The following NAALADL2 variants were observed in gnomAD, a reference collection of about 807,000 sequenced individuals.
The protein encoded by NAALADL2 is inactive N-acetylated-alpha-linked acidic dipeptidase-like protein 2.
A neutral mutation model predicts 87.2 loss-of-function variants in NAALADL2; 76 were observed. The ratio of observed to expected loss-of-function variants is 0.87; its 90% CI spans 0.72 to 1.05. The LOEUF is 1.05. Ranked by LOEUF, NAALADL2 falls within the 50% of genes least tolerant of loss-of-function variation. The pLI, the probability that NAALADL2 is intolerant of heterozygous loss-of-function variation, is 0.00. For synonymous variants in NAALADL2, 354 were observed against 331.0 expected, an observed-to-expected ratio of 1.07 and a Z score of -0.75; for missense variants, 1,089 against 945.8, an observed-to-expected ratio of 1.15 and a Z score of -1.99.
chr3:175,619,926 A>G (rs958005092), intron 10 of NAALADL2, among the ~76,000 whole-genome samples: 5 of 151,980 alleles, frequency 3.3e-5, no homozygotes, highest in Non-Finnish European at 7.4e-5. Flanking sequence ...ACTGGATTGG[A>G]AAAAAGCCAA....
intron 9 of NAALADL2, among the ~76,000 whole-genome samples, chr3:175,550,004 A>C (rs999746411): frequency 6.6e-6 from 1 of 152,118 alleles, no homozygotes; most frequent in Non-Finnish European, 1.5e-5. Context: ...TCATTTTAAC[A>C]AAGAGTGAAC....
intron 10 of NAALADL2, among the ~76,000 whole-genome samples, chr3:175,590,918 T>C (rs1721354308): frequency 1.3e-5 from 2 of 152,190 alleles, no homozygotes; most frequent in Non-Finnish European, 2.9e-5. Context: ...TGCTTAGGGA[T>C]GAAGGGGGGT....
At chr3:174,507,392 T>A (rs1440474753) in intron 1 of NAALADL2, among the ~76,000 whole-genome samples, 4 of 152,184 alleles carry the variant, frequency 2.6e-5, no homozygotes, top group African/African-American at 9.7e-5. Flanking sequence ...TCCAGTGAAA[T>A]ACCTATGAGT....
chr3:175,729,289 G>A (rs563106282), intron 11 of NAALADL2, among the ~76,000 whole-genome samples: 1 of 152,170 alleles, frequency 6.6e-6, no homozygotes, highest in South Asian at 2.1e-4. Context: ...ACACAATAAA[G>A]GATCAATAGC....
At chr3:175,338,987 A>G (rs994415490) in intron 5 of NAALADL2, among the ~76,000 whole-genome samples, 1 of 152,196 alleles carries the variant, frequency 6.6e-6, no homozygotes, top group Admixed American at 6.5e-5. Context: ...GCAATTAGAA[A>G]CAGGGCAGGA....
At chr3:174,576,601 T>C (rs1380113853) in intron 2 of NAALADL2, among the ~76,000 whole-genome samples, 3 of 152,206 alleles carry the variant, frequency 2.0e-5, no homozygotes, top group Non-Finnish European at 4.4e-5. Context: ...GTTGAACATT[T>C]CTTACTCGAT....
intron 1 of NAALADL2, among the ~76,000 whole-genome samples, chr3:174,891,786 C>T (rs569865794): frequency 1.3e-5 from 2 of 152,160 alleles, no homozygotes; most frequent in African/African-American, 4.8e-5. Flanking sequence ...AGCAGTGGAC[C>T]GGGGAAATAC....
At chr3:174,891,607 G>A (rs1239259882) in intron 1 of NAALADL2, among the ~76,000 whole-genome samples, 2 of 152,054 alleles carry the variant, frequency 1.3e-5, no homozygotes, top group South Asian at 2.1e-4. Flanking sequence ...CATTAAAACC[G>A]GGCCTTAGCC....
rs1163373340 is a variant in NAALADL2, at chr3:174,763,586, CA to C, written c.-9+25855del. Among the ~76,000 whole-genome samples the C allele has an allele frequency of 1.7e-3, 80 of 48,356 alleles. 1 individual carries two copies. Among genetic ancestry groups the C allele is most frequent in the Admixed American group, 2.9e-3 (11 of 3,738 alleles). 31.7% of individuals were successfully genotyped at this position (48,356 alleles called of 152,430 possible). A position where few individuals can be genotyped will look rare whatever the true frequency, so the allele number is the denominator to read the frequency against. On this transcript the variant is annotated intron_variant, in intron 3 of 3. Transcript: ENST00000434257. Reference sequence around the variant, plus strand: ...TGGGCTACAGAGCGAGACTCCATCTCAAAAAAAAAAAAAAAGACTAAAATGT... The same window carrying C: ...TGGGCTACAGAGCGAGACTCCATCTCAAAAAAAAAAAAAAGACTAAAATGT...
chr3:175,408,497 T>A (rs1008597511), intron 5 of NAALADL2, among the ~76,000 whole-genome samples: 2 of 152,042 alleles, frequency 1.3e-5, no homozygotes, highest in African/African-American at 4.8e-5. Context: ...TCTTACTGCT[T>A]TGGAATGACC....
intron 5 of NAALADL2, among the ~76,000 whole-genome samples, chr3:175,393,030 T>C (rs979046432): frequency 6.6e-6 from 1 of 152,018 alleles, no homozygotes; most frequent in African/African-American, 2.4e-5. Flanking sequence ...TTGTCAGCAC[T>C]TTGGGAGGCC....
rs140245440 is a variant in NAALADL2, at chr3:174,479,795, A to G, written c.-184+38763A>G. On this transcript the variant is annotated intron_variant, in intron 1 of 3. Coordinates refer to the NAALADL2 transcript ENST00000434257. Reference sequence around the variant, plus strand: ...TTTATTGTGGAAGATATAGGTATGTAGAAGAATCAGGTGTTTTTTTTTCTC... The same window carrying G: ...TTTATTGTGGAAGATATAGGTATGTGGAAGAATCAGGTGTTTTTTTTTCTC... 9.6e-3 allele frequency among the ~76,000 whole-genome samples: 1,459 copies of G among 152,196 alleles called. 30 individuals are homozygous for G. Among genetic ancestry groups the G allele is most frequent in the African/African-American group, 0.034 (1,404 of 41,530 alleles).
chr3:174,588,311 G>A (rs189971866), intron 2 of NAALADL2, among the ~76,000 whole-genome samples: 2 of 152,096 alleles, frequency 1.3e-5, no homozygotes, highest in South Asian at 2.1e-4. Flanking sequence ...TGATGGGTTC[G>A]AACATCCTCC....
chr3:174,530,432 A>C (rs1051948931), intron 1 of NAALADL2, among the ~76,000 whole-genome samples: 2 of 152,040 alleles, frequency 1.3e-5, no homozygotes, highest in East Asian at 3.9e-4. Flanking sequence ...AACCCTGCAA[A>C]CTGTTCCAAC....
chr3:174,446,617 T>C (rs1715072325), intron 1 of NAALADL2, among the ~76,000 whole-genome samples: 1 of 152,132 alleles, frequency 6.6e-6, no homozygotes, highest in South Asian at 2.1e-4. Context: ...TTCAGTTTAA[T>C]ATGGTACTCA....
Position 175,141,206 on chromosome 3 carries a change from A to G in NAALADL2, c.545+43915A>G, listed in dbSNP as rs573628944. ...TTAGGTACAGAAAGTCACTTCCCTA[A>G]TAACTATCTTTCTTCTCCTTGCTTC... On this transcript the variant is annotated intron_variant, in intron 2 of 13. Transcript: ENST00000454872. 4.6e-5 allele frequency among the ~76,000 whole-genome samples: 7 copies of G among 152,196 alleles called. No individual in the cohort carries two copies. The East Asian group carries it at 7.7e-4, about 17-fold the overall frequency.
intron 11 of NAALADL2, among the ~76,000 whole-genome samples, chr3:175,672,420 A>G (rs1734124762): frequency 6.6e-6 from 1 of 152,164 alleles, no homozygotes; most frequent in African/African-American, 2.4e-5. Flanking sequence ...CTCAGCTGTT[A>G]GTGCCGTTAC....
intron 11 of NAALADL2, among the ~76,000 whole-genome samples, chr3:175,644,189 A>C (rs561004318): frequency 1.3e-5 from 2 of 152,158 alleles, no homozygotes; most frequent in South Asian, 2.1e-4. Context: ...TCTGGCTATA[A>C]ATTTTTTGTC....
intron 3 of NAALADL2, among the ~76,000 whole-genome samples, chr3:174,812,639 A>C (rs996017284): frequency 5.3e-5 from 8 of 152,062 alleles, no homozygotes; most frequent in South Asian, 2.1e-4. Flanking sequence ...TTTTCATAGG[A>C]GATAACAGGT....
Sources: gnomAD v4.1 joint callset for allele counts (sites outside exome capture counted in the v4.1 genomes callset) on GRCh38, gnomAD v4.1.1 for gene constraint, MANE v1.5 for transcripts, NCBI Gene and HGNC (gene_info 2026-07-23, HGNC 2026-07-21) for gene names.